RALYL: variants seen among roughly 807,000 people sequenced by gnomAD.
RALYL encodes RALY RNA binding protein like.
Under a neutral mutation model 35.1 loss-of-function variants are expected in RALYL, and 29 were observed. That is an observed-to-expected ratio of 0.83 (90% CI 0.61 to 1.13). RALYL has a LOEUF of 1.13. Among genes scored for constraint, RALYL ranks in the 50% most tolerant of loss-of-function variants. The probability of loss-of-function intolerance (pLI) is 0.00; values close to 1 mark genes in which losing one functional copy is unlikely to be tolerated. For missense variants in RALYL, 359 were observed against 360.4 expected, an observed-to-expected ratio of 1.00 and a Z score of 0.03; for synonymous variants, 120 against 127.6, an observed-to-expected ratio of 0.94 and a Z score of 0.40.
chr8:84,736,554 T>C (rs1847347159), intron 2 of RALYL, among the ~76,000 whole-genome samples: 1 of 152,080 alleles, frequency 6.6e-6, no homozygotes, highest in South Asian at 2.1e-4. Context: ...TTGTGAAAGA[T>C]GTCATCATAT....
intron 1 of RALYL, among the ~76,000 whole-genome samples, chr8:84,468,037 C>T (rs2051996791): frequency 6.8e-6 from 1 of 146,592 alleles, no homozygotes; most frequent in African/African-American, 2.6e-5. Context: ...CTATGTGTGT[C>T]TCTGCATGTG....
At chr8:84,698,829 C>G in intron 2 of RALYL, among the ~76,000 whole-genome samples, 1 of 152,100 alleles carries the variant, frequency 6.6e-6, no homozygotes, top group Non-Finnish European at 1.5e-5. Context: ...ACTTCACGTG[C>G]CACGTGCCAC....
chr8:84,315,927 A>C (rs1234522648), intron 1 of RALYL, among the ~76,000 whole-genome samples: 1 of 152,100 alleles, frequency 6.6e-6, no homozygotes, highest in Non-Finnish European at 1.5e-5. Flanking sequence ...TGGTAATAAC[A>C]ACCAAATAAA....
chr8:84,205,857 T>C (rs1482955735), intron 1 of RALYL, among the ~76,000 whole-genome samples: 1 of 152,160 alleles, frequency 6.6e-6, no homozygotes, highest in African/African-American at 2.4e-5. Flanking sequence ...TTTCTCATAG[T>C]TCTGGAGGCT....
chr8:84,404,080 G>A (rs774691903), intron 1 of RALYL, among the ~76,000 whole-genome samples: 13 of 151,472 alleles, frequency 8.6e-5, no homozygotes, highest in Non-Finnish European at 1.6e-4. Flanking sequence ...TTGGGTCTGA[G>A]ACAATAGGGT....
intron 2 of RALYL, among the ~76,000 whole-genome samples, chr8:84,688,027 T>G (rs1837195750): frequency 6.6e-6 from 1 of 152,038 alleles, no homozygotes; most frequent in South Asian, 2.1e-4. Context: ...AAAAAGAATT[T>G]AAATGGACAA....
intron 2 of RALYL, among the ~76,000 whole-genome samples, chr8:84,668,437 G>C (rs1471586042): frequency 6.6e-6 from 1 of 152,108 alleles, no homozygotes; most frequent in African/African-American, 2.4e-5. Flanking sequence ...ATTTAAAACA[G>C]AACAGCTGTA....
rs191363522 is a variant in RALYL at position 84,552,958 on chromosome 8, C to T, written c.256+23381C>T. Among the ~76,000 whole-genome samples, 135 of 151,646 alleles carry T rather than the reference C, an allele frequency of 8.9e-4. 1 individual carries two copies. The East Asian group carries it at 0.011, about 13-fold the overall frequency. ...GATCCTGAGGTAGGGGTTGAATGGGCGCAAGGAGGGAAAAAATTCACACAC... is the reference window on the plus strand; with the variant it reads ...GATCCTGAGGTAGGGGTTGAATGGGTGCAAGGAGGGAAAAAATTCACACAC... On this transcript the variant is annotated intron_variant, in intron 2 of 8. Transcript: ENST00000521268.
At chr8:84,515,778 T>G (rs990066581) in intron 1 of RALYL, among the ~76,000 whole-genome samples, 1 of 152,022 alleles carries the variant, frequency 6.6e-6, no homozygotes, top group Non-Finnish European at 1.5e-5. Context: ...GAAAAAAATA[T>G]TTTTCCAGCC....
intron 1 of RALYL, among the ~76,000 whole-genome samples, chr8:84,348,008 T>C (rs1042401267): frequency 6.6e-6 from 1 of 152,098 alleles, no homozygotes; most frequent in Non-Finnish European, 1.5e-5. Flanking sequence ...GCATTTGCTT[T>C]TTTTGGGCAT....
intron 3 of RALYL, among the ~76,000 whole-genome samples, chr8:84,800,883 C>CTGTT (rs1823083670): frequency 6.6e-6 from 1 of 152,032 alleles, no homozygotes; most frequent in African/African-American, 2.4e-5. Context: ...TAGAATTAAC[C>CTGTT]TGTTTCTGGT....
chr8:84,216,716 A>G (rs561290609), intron 1 of RALYL, among the ~76,000 whole-genome samples: 7 of 151,504 alleles, frequency 4.6e-5, no homozygotes, highest in South Asian at 2.1e-4. Context: ...CAGTAGTCAC[A>G]TGTGGCTAAT....
chr8:84,266,020 A>G (rs1833226678), intron 1 of RALYL, among the ~76,000 whole-genome samples: 1 of 152,144 alleles, frequency 6.6e-6, no homozygotes, highest in Non-Finnish European at 1.5e-5. Flanking sequence ...GTTGCTTCCC[A>G]AGTCAAGAAC....
chr8:84,803,703 A>G (rs1391504255), intron 3 of RALYL, among the ~76,000 whole-genome samples: 1 of 152,226 alleles, frequency 6.6e-6, no homozygotes, highest in African/African-American at 2.4e-5. Context: ...GCGGAGATGC[A>G]TGTCAGCTCT....
chr8:84,289,197 C>G (rs1425336288), intron 1 of RALYL, among the ~76,000 whole-genome samples: 1 of 152,138 alleles, frequency 6.6e-6, no homozygotes, highest in Admixed American at 6.6e-5. Flanking sequence ...CACTATCTCC[C>G]TTGATGTTTA....
chr8:84,188,428 T>A (rs1461101937), intron 1 of RALYL, among the ~76,000 whole-genome samples: 1 of 152,104 alleles, frequency 6.6e-6, no homozygotes, highest in Non-Finnish European at 1.5e-5. Context: ...ATTATTCTCT[T>A]ATTACTGTTA....
At chr8:84,641,083 T>C (rs1400442983) in intron 2 of RALYL, among the ~76,000 whole-genome samples, 4 of 151,608 alleles carry the variant, frequency 2.6e-5, no homozygotes, top group Non-Finnish European at 5.9e-5. Context: ...AGACAAGAAT[T>C]TATCATTCAT....
chr8:84,862,332 C>T lies in RALYL; in HGVS notation c.450C>T (p.Pro150=). Residue 150 remains proline (P), a synonymous_variant, in exon 6 of 9, where the codon CCC becomes CCT. Coordinates refer to ENST00000521268, the MANE Select transcript of RALYL (RefSeq NM_173848.7). ...FDYHGRVPPP[P]RAVIPLKRPR... Reference sequence around the variant, plus strand: ...ACCACGGGCGTGTGCCTCCACCTCCCCGTGCAGTAATTCCGCTGAAGCGTC... The same window carrying T: ...ACCACGGGCGTGTGCCTCCACCTCCTCGTGCAGTAATTCCGCTGAAGCGTC... 6.3e-7 allele frequency: 1 copy of T among 1,599,870 alleles called. No individual in the cohort carries two copies.
At chr8:84,352,929 G>C (rs1368475941) in intron 1 of RALYL, among the ~76,000 whole-genome samples, 1 of 150,038 alleles carries the variant, frequency 6.7e-6, no homozygotes, top group Non-Finnish European at 1.5e-5. Context: ...AGAAAATACT[G>C]TATTTGAATA....
Sources: gnomAD v4.1 joint callset for allele counts (sites outside exome capture counted in the v4.1 genomes callset) on GRCh38, gnomAD v4.1.1 for gene constraint, MANE v1.5 for transcripts, NCBI Gene and HGNC (gene_info 2026-07-23, HGNC 2026-07-21) for gene names.